Variants in CILK1 observed in about 807,000 individuals in gnomAD.
CILK1 encodes the protein serine/threonine-protein kinase ICK.
A neutral mutation model predicts 79.2 loss-of-function variants in CILK1; 47 were observed. The observed-to-expected ratio is 0.59, with a 90% CI of 0.47 to 0.76. CILK1 has a LOEUF of 0.76. CILK1 is among the 30% of genes least tolerant of loss of function. CILK1 has a pLI of 0.00. For missense variants in CILK1, 660 were observed against 769.5 expected (o/e 0.86, Z 1.68); for synonymous variants, 266 against 275.9 (o/e 0.96, Z 0.36).
intron 1 of CILK1, among the ~76,000 whole-genome samples, chr6:53,059,133 A>C (rs1030254168): frequency 1.2e-4 from 19 of 152,206 alleles, no homozygotes; most frequent in Non-Finnish European, 2.4e-4. Flanking sequence ...CTGTTAAGTT[A>C]CTGTCAAGGG....
At chr6:53,034,649 C>T (rs1766190000) in intron 3 of CILK1, among the ~76,000 whole-genome samples, 1 of 152,136 alleles carries the variant, frequency 6.6e-6, no homozygotes, top group Admixed American at 6.5e-5. Flanking sequence ...TGTACTGGGC[C>T]CCCAGGGTAT....
chr6:53,038,161 G>A (rs1300482602), intron 2 of CILK1, among the ~76,000 whole-genome samples, 168 bp from the exon 3 acceptor site: 1 of 152,210 alleles, frequency 6.6e-6, no homozygotes, highest in African/African-American at 2.4e-5. Flanking sequence ...TCAAACAGCA[G>A]TGCAATAATC....
At chr6:53,027,819 A>G (rs1765670593) in intron 5 of CILK1, among the ~76,000 whole-genome samples, 1 of 152,176 alleles carries the variant, frequency 6.6e-6, no homozygotes, top group South Asian at 2.1e-4. Context: ...AGGCTGGCCA[A>G]CATGGTGAAA....
chr6:53,012,211 A>G lies in CILK1; in HGVS notation c.1169T>C (p.Leu390Pro). Reference protein sequence around the residue: ...KHPQSKITAGLEHKNGEIKPK... With the variant: ...KHPQSKITAGPEHKNGEIKPK... ...CTTTATCTCACCATTTTTGTGCTCC[A>G]GGCCAGCTGTGATTTTCTGTGTAAA... Residue 390 changes from leucine (L) to proline (P), a missense_variant, in exon 10 of 14, where the codon CTG (leucine) becomes CCG (proline). Transcript: ENST00000676107. 3 of 1,614,170 alleles carry G rather than the reference A, an allele frequency of 1.9e-6. No homozygotes were observed. The highest frequency in any genetic ancestry group is 1.1e-5 in the South Asian group (1 of 91,080).
At chr6:53,038,420 C>G (rs985638512) in intron 2 of CILK1, among the ~76,000 whole-genome samples, 5 of 152,178 alleles carry the variant, frequency 3.3e-5, no homozygotes, top group Non-Finnish European at 5.9e-5. Flanking sequence ...AATGTGGGAA[C>G]TGAATTTTAA....
rs561504790 is a variant in CILK1, at chr6:53,046,143, T to C, written c.-172-4735A>G. Among the ~76,000 whole-genome samples, 70 of 152,368 alleles carry C rather than the reference T, an allele frequency of 4.6e-4. No individual in the cohort carries two copies. In the Middle Eastern group the frequency reaches 0.01, roughly 22 times the overall value. On this transcript the variant is annotated intron_variant, in intron 1 of 13. Transcript: ENST00000676107. ...TCAGCCTTCTCCTGCCTTAATTACA[T>C]GACCTTTTCTCAGAGGAAGCATTTT...
chr6:53,004,423 A>C lies in CILK1; in HGVS notation c.*726T>G, dbSNP rs1764102348. 6.6e-6 allele frequency: 1 copy of C among 152,254 alleles called. No individual in the cohort carries two copies. The highest frequency in any genetic ancestry group is 1.5e-5 in the Non-Finnish European group (1 of 68,044). The allele number at this position is 152,254 out of a possible 1,614,324, so 9.4% of individuals were successfully genotyped here. On this transcript the variant is annotated 3_prime_UTR_variant, in exon 14 of 14. Coordinates refer to ENST00000676107, the MANE Select transcript of CILK1 (RefSeq NM_014920.5). ...AGAATATAATGGCATAGTATAATTA[A>C]GCTTGGTTTCATCTGAGATCTGCAA...
chr6:53,012,276 A>G (rs368795842), intron 9 of CILK1, 49 bp from the exon 10 acceptor site: 2 of 1,551,208 alleles, frequency 1.3e-6, no homozygotes, highest in African/African-American at 1.4e-5. Flanking sequence ...CATTAACAGA[A>G]CTCATCCATG....
At chr6:53,029,970 G>A (rs1479548624) in intron 5 of CILK1, among the ~76,000 whole-genome samples, 3 of 152,186 alleles carry the variant, frequency 2.0e-5, no homozygotes, top group South Asian at 2.1e-4. Flanking sequence ...TGGTGGCTCT[G>A]TGCTCACAAG....
At chr6:53,044,826 G>C (rs897929368) in intron 1 of CILK1, among the ~76,000 whole-genome samples, 4 of 152,066 alleles carry the variant, frequency 2.6e-5, no homozygotes, top group African/African-American at 9.7e-5. Flanking sequence ...CAGGAAAAAC[G>C]CAGCCATCTA....
At chr6:53,046,469 G>A (rs1007048560) in intron 1 of CILK1, among the ~76,000 whole-genome samples, 2 of 152,156 alleles carry the variant, frequency 1.3e-5, no homozygotes, top group Non-Finnish European at 2.9e-5. Context: ...TTGAAATCCA[G>A]ATAGAGTGGG....
chr6:53,009,730 GA>G (rs1161103426), intron 11 of CILK1, among the ~76,000 whole-genome samples, 163 bp from the exon 12 acceptor site: 6 of 152,188 alleles, frequency 3.9e-5, no homozygotes, highest in African/African-American at 1.2e-4. Flanking sequence ...GATGTCCGAG[GA>G]AAGATATCTC....
chr6:53,016,998 A>G (rs1390479308), intron 7 of CILK1, among the ~76,000 whole-genome samples: 1 of 152,242 alleles, frequency 6.6e-6, no homozygotes, highest in Non-Finnish European at 1.5e-5. Context: ...GGAGATCCAA[A>G]AATGATCCAA....
At position 53,005,008 on chromosome 6, in the gene CILK1, A is replaced by G; in HGVS notation, c.*141T>C. On this transcript the variant is annotated 3_prime_UTR_variant, in exon 14 of 14. Coordinates refer to ENST00000676107, the MANE Select transcript of CILK1 (RefSeq NM_014920.5). ...AAAAAAACTTTAAAAAAGAATATTGACATGTCTTAGTTCAGAAGAATAACT... is the reference window on the plus strand; with the variant it reads ...AAAAAAACTTTAAAAAAGAATATTGGCATGTCTTAGTTCAGAAGAATAACT... The G allele has an allele frequency of 1.1e-6, 1 of 909,698 alleles. No homozygotes were observed. The highest frequency in any genetic ancestry group is 3.4e-4 in the Middle Eastern group (1 of 2,900). 56.4% of individuals were successfully genotyped at this position (909,698 alleles called of 1,614,324 possible).
intron 13 of CILK1, among the ~76,000 whole-genome samples, chr6:53,006,083 T>A (rs933150091): frequency 1.3e-5 from 2 of 152,150 alleles, no homozygotes; most frequent in African/African-American, 4.8e-5. Flanking sequence ...TACCCCACAC[T>A]CCAACCCCCA....
In CILK1 at chr6:53,041,383, C is replaced by A; in HGVS notation, c.-147G>T. 1 of 658,744 alleles carries A rather than the reference C, an allele frequency of 1.5e-6. No homozygotes were observed. The highest frequency in any genetic ancestry group is 2.8e-6 in the Non-Finnish European group (1 of 360,558). 40.8% of individuals were successfully genotyped at this position (658,744 alleles called of 1,614,324 possible). A position where few individuals can be genotyped will look rare whatever the true frequency, so the allele number is the denominator to read the frequency against. On this transcript the variant is annotated 5_prime_UTR_variant, in exon 2 of 14. The change abolishes an upstream ATG in the 5' untranslated region. Coordinates refer to ENST00000676107, the MANE Select transcript of CILK1 (RefSeq NM_014920.5). ...ATAGGACGTGACTGTCTCCCAAATACATATTTCCAAAAATCAGTCTTCTGC... is the reference window on the plus strand; with the variant it reads ...ATAGGACGTGACTGTCTCCCAAATAAATATTTCCAAAAATCAGTCTTCTGC...
chr6:53,058,287 T>TA (rs1768079116), intron 1 of CILK1, among the ~76,000 whole-genome samples: 1 of 152,160 alleles, frequency 6.6e-6, no homozygotes, highest in Non-Finnish European at 1.5e-5. Context: ...CACCTTGAGG[T>TA]AGGCCTGAGC....
In CILK1 at chr6:53,012,100, C is replaced by T. The variant is rs368157719; in HGVS notation, c.1280G>A (p.Ser427Asn). Residue 427 changes from serine to asparagine, a missense_variant, in exon 10 of 14, where the codon AGT (serine) becomes AAT (asparagine). Physicochemically the swap from Ser to Asn is conservative, Grantham distance 46. Coordinates refer to ENST00000676107, the MANE Select transcript of CILK1 (RefSeq NM_014920.5). ...CAGGTCAATCCTGCTGAGGGATGGA[C>T]TGAAATCCAAGTCATCCAAGTCAGC... Reference protein sequence around the residue: ...DWADLDDLDFSPSLSRIDLKN... With the variant: ...DWADLDDLDFNPSLSRIDLKN... The T allele has an allele frequency of 2.3e-5, 37 of 1,614,074 alleles. No individual in the cohort carries two copies. The African/African-American group carries it at 4.9e-4, about 22-fold the overall frequency.
At position 53,004,330 on chromosome 6, in the gene CILK1, G is replaced by C. The variant is rs1230006843; in HGVS notation, c.*819C>G. On this transcript the variant is annotated 3_prime_UTR_variant, in exon 14 of 14. Coordinates refer to ENST00000676107, the MANE Select transcript of CILK1 (RefSeq NM_014920.5). Reference sequence around the variant, plus strand: ...TTGACTGTGTTAACCTTCATGTTGAGAGCCTTTTGAAGCAGAAATCTCTTT... The same window carrying C: ...TTGACTGTGTTAACCTTCATGTTGACAGCCTTTTGAAGCAGAAATCTCTTT... 3 of 152,190 alleles carry C rather than the reference G, an allele frequency of 2.0e-5. No individual in the cohort carries two copies. Among genetic ancestry groups the C allele is most frequent in the Non-Finnish European group, 4.4e-5 (3 of 68,034 alleles). The allele number at this position is 152,190 out of a possible 1,614,324, so 9.4% of individuals were successfully genotyped here.
Sources: allele counts gnomAD v4.1 joint callset (sites outside exome capture counted in the v4.1 genomes callset), GRCh38; gene constraint gnomAD v4.1.1; transcripts MANE v1.5; gene names NCBI Gene and HGNC (gene_info 2026-07-23, HGNC 2026-07-21).